Variants in SLC19A1 observed in about 807,000 individuals in gnomAD.
SLC19A1 encodes reduced folate transporter.
SLC19A1 carries 37 observed loss-of-function variants against 35.3 expected under a neutral mutation model. The ratio of observed to expected loss-of-function variants is 1.05; its 90% CI spans 0.81 to 1.38. The LOEUF is 1.38. SLC19A1 is among the 40% of genes most tolerant of loss of function. SLC19A1 has a pLI of 0.00. For synonymous variants in SLC19A1, 460 were observed against 398.5 expected, an observed-to-expected ratio of 1.15 and a Z score of -1.84; for missense variants, 831 against 826.9, an observed-to-expected ratio of 1.00 and a Z score of -0.06.
Position 45,517,697 on chromosome 21 carries a change from G to C in SLC19A1, c.1294-1557C>G, listed in dbSNP as rs2038040435. 6.6e-6 allele frequency among the ~76,000 whole-genome samples: 1 copy of C among 152,122 alleles called. No individual in the cohort carries two copies. Among genetic ancestry groups the C allele is most frequent in the African/African-American group, 2.4e-5 (1 of 41,400 alleles). ...GGGGGGTGTCAGAGGAGGTCAAGCG[G>C]GAGTCCAGACTTTCACCTACCCAGC... On this transcript the variant is annotated intron_variant, in intron 5 of 5. Coordinates refer to ENST00000311124, the MANE Select transcript of SLC19A1 (RefSeq NM_194255.4). The surrounding 1 kb of genome is among the most constrained non-coding windows in gnomAD (Gnocchi z 4.4).
intron 1 of SLC19A1, among the ~76,000 whole-genome samples, chr21:45,559,288 C>T (rs1324234605): frequency 1.3e-5 from 2 of 152,084 alleles, no homozygotes; most frequent in South Asian, 2.1e-4. Context: ...ACGTTGAGGC[C>T]GGGTGAGTGT....
chr21:45,510,235 G>A (rs771111249), downstream of SLC19A1: 5 of 1,606,120 alleles, frequency 3.1e-6, no homozygotes, highest in Middle Eastern at 1.7e-4. Flanking sequence ...TGCCGACCGC[G>A]CAGCCGTGCC....
intron 1 of SLC19A1, among the ~76,000 whole-genome samples, chr21:45,553,013 T>G (rs989716716): frequency 1.3e-5 from 2 of 152,172 alleles, no homozygotes; most frequent in Admixed American, 6.5e-5. Context: ...ATGGAAGCTC[T>G]TCCTCCTGGC....
intron 1 of SLC19A1, among the ~76,000 whole-genome samples, chr21:45,560,042 AC>A (rs1440338899): frequency 6.6e-6 from 1 of 151,932 alleles, no homozygotes; most frequent in African/African-American, 2.4e-5. Context: ...AGCACGTCAC[AC>A]CCCCCAGCTC....
intron 3 of SLC19A1, chr21:45,504,676 C>A: frequency 5.9e-6 from 5 of 841,590 alleles, no homozygotes; most frequent in Non-Finnish European, 7.5e-6. Flanking sequence ...GCAAGCTCAG[C>A]AGCCCCGACA....
chr21:45,543,623 A>G (rs542364059), upstream of SLC19A1, among the ~76,000 whole-genome samples: 514 of 152,322 alleles, frequency 3.4e-3, 2 homozygotes, highest in Middle Eastern at 0.017. Flanking sequence ...CGCCTGCCCA[A>G]AGCTCTGGCC....
At chr21:45,522,238 A>G (rs954432028) in intron 5 of SLC19A1, among the ~76,000 whole-genome samples, 1 of 152,076 alleles carries the variant, frequency 6.6e-6, no homozygotes, top group East Asian at 1.9e-4. Flanking sequence ...CACCAGGGAA[A>G]TGCAAATTAA....
chr21:45,560,489 G>A (rs1283613313), intron 1 of SLC19A1, among the ~76,000 whole-genome samples: 1 of 152,226 alleles, frequency 6.6e-6, no homozygotes, highest in Non-Finnish European at 1.5e-5. Flanking sequence ...ACGCAGCAGG[G>A]AGGGGTCTTG....
At chr21:45,537,719 T>TTGGGGGGGG in intron 2 of SLC19A1, 52 bp downstream of exon 2, 3 of 319,770 alleles carry the variant, frequency 9.4e-6, no homozygotes, top group Admixed American at 5.4e-5. Context: ...CAGACGCTGC[T>TTGGGGGGGG]CCCCGCCCAC....
downstream of SLC19A1, chr21:45,507,567 G>T (rs2037293633): frequency 6.2e-7 from 1 of 1,612,808 alleles, no homozygotes; most frequent in African/African-American, 1.3e-5. Context: ...CCAGCTGGAG[G>T]CCCGGACACC....
intron 1 of SLC19A1, among the ~76,000 whole-genome samples, chr21:45,556,641 T>C (rs1480547934): frequency 2.0e-5 from 3 of 152,232 alleles, no homozygotes; most frequent in African/African-American, 4.8e-5. Flanking sequence ...TCTGCAGCCA[T>C]AGCACCAGGA....
intron 5 of SLC19A1, among the ~76,000 whole-genome samples, chr21:45,519,570 C>CAAAAAAAAAAAAAAAAAA (rs57639933): frequency 1.7e-5 from 1 of 57,232 alleles, no homozygotes; most frequent in African/African-American, 7.2e-5. Context: ...AACTTCTGAG[C>CAAAAAAAAAAAAAAAAAA]AAAAAAAAAA....
chr21:45,554,871 A>G (rs1241501103), intron 1 of SLC19A1, among the ~76,000 whole-genome samples: 1 of 151,902 alleles, frequency 6.6e-6, no homozygotes, highest in Non-Finnish European at 1.5e-5. Flanking sequence ...GAGTCCCAGC[A>G]GCGGGCCCTG....
downstream of SLC19A1, chr21:45,509,396 T>G (rs2146119678): frequency 6.5e-7 from 1 of 1,543,524 alleles, no homozygotes; most frequent in East Asian, 2.4e-5. Flanking sequence ...GTGGTGCAGC[T>G]GCACGACAGC....
At chr21:45,529,808 G>A (rs2077793076) in intron 4 of SLC19A1, among the ~76,000 whole-genome samples, 1 of 143,878 alleles carries the variant, frequency 7.0e-6, no homozygotes. Context: ...TGAGTGTGTG[G>A]TGTGTCCATG....
intron 1 of SLC19A1, among the ~76,000 whole-genome samples, chr21:45,557,687 C>T (rs902644658): frequency 1.3e-5 from 2 of 152,164 alleles, no homozygotes; most frequent in Non-Finnish European, 1.5e-5. Context: ...GAGCCTCAAC[C>T]CTCCACCACA....
intron 1 of SLC19A1, among the ~76,000 whole-genome samples, chr21:45,552,833 T>C (rs1235253172): frequency 1.3e-5 from 2 of 150,788 alleles, no homozygotes; most frequent in Non-Finnish European, 1.5e-5. Context: ...GTCCCTGCGT[T>C]TGTGCTGATA....
chr21:45,507,940 A>AGCTCATGCGC (rs2037321577), downstream of SLC19A1, among the ~76,000 whole-genome samples: 1 of 152,256 alleles, frequency 6.6e-6, no homozygotes, highest in South Asian at 2.1e-4. Flanking sequence ...AGTGCCAGAC[A>AGCTCATGCGC]CAAGAATGGA....
Position 45,530,582 on chromosome 21 carries a change from G to C in SLC19A1, c.1151+188C>G, listed in dbSNP as rs751679409. 1.3e-5 allele frequency among the ~76,000 whole-genome samples: 2 copies of C among 152,130 alleles called. No homozygotes were observed. The highest frequency in any genetic ancestry group is 6.5e-5 in the Admixed American group (1 of 15,282). ...GGAGGGCCTGGGGGAGCAGCAAGAC[G>C]GCACAGGAAGGGACGCCCGAGGTCC... is the stretch of plus-strand genomic sequence containing the variant. On this transcript the variant is annotated intron_variant, in intron 4 of 5. Coordinates refer to ENST00000311124, the MANE Select transcript of SLC19A1 (RefSeq NM_194255.4). The surrounding 1 kb of genome is among the most constrained non-coding windows in gnomAD (Gnocchi z 5.3).
Sources: allele counts gnomAD v4.1 joint callset (sites outside exome capture counted in the v4.1 genomes callset), GRCh38; gene constraint gnomAD v4.1.1; non-coding constraint Gnocchi (gnomAD v3.1); transcripts MANE v1.5; gene names NCBI Gene and HGNC (gene_info 2026-07-23, HGNC 2026-07-21).